SLC41A1: variants seen among roughly 807,000 people sequenced by gnomAD.
SLC41A1 encodes solute carrier family 41 member 1.
Under a neutral mutation model 47.3 loss-of-function variants are expected in SLC41A1, and 20 were observed. The observed-to-expected ratio is 0.42, with a 90% CI of 0.30 to 0.61. SLC41A1 has a LOEUF of 0.61. SLC41A1 is among the 20% of genes least tolerant of loss of function. SLC41A1 has a pLI of 0.17. For synonymous variants in SLC41A1, 282 were observed against 272.7 expected, an observed-to-expected ratio of 1.03 and a Z score of -0.34; for missense variants, 504 against 674.1, an observed-to-expected ratio of 0.75 and a Z score of 2.79.
In SLC41A1 at chr1:205,810,975, C is replaced by G. The variant is rs896846170; in HGVS notation, c.-534G>C. The G allele has an allele frequency of 6.1e-6, 1 of 163,202 alleles. No individual in the cohort carries two copies. The highest frequency in any genetic ancestry group is 1.7e-4 in the South Asian group (1 of 6,004). The allele number at this position is 163,202 out of a possible 1,614,324, so 10.1% of individuals were successfully genotyped here. A position where few individuals can be genotyped will look rare whatever the true frequency, so the allele number is the denominator to read the frequency against. On this transcript the variant is annotated 5_prime_UTR_variant, in exon 2 of 11. Transcript: ENST00000367137. This position sits in a 1 kb window ranked among gnomAD's most constrained non-coding sequence, Gnocchi z 5.5. ...GCTCCTCAGGCTCTGCTGGTCCCAG[C>G]GCAGCGTCTGCCGTCTTTCCCTTCT...
rs747018245 is a variant in SLC41A1, at chr1:205,810,264, C to T, written c.178G>A (p.Val60Ile). The T allele has an allele frequency of 3.1e-6, 5 of 1,614,070 alleles. No individual in the cohort carries two copies. The Admixed American group carries it at 5.0e-5, about 16-fold the overall frequency. ...TCCAGCAGGGCGTCCTCCTCCCGAACCCCCTTGGCGTTGGCCCGAGACTCA... is the reference window on the plus strand; with the variant it reads ...TCCAGCAGGGCGTCCTCCTCCCGAATCCCCTTGGCGTTGGCCCGAGACTCA... ...VIESRANAKG[V>I]REEDALLENG... Residue 60 changes from valine to isoleucine, a missense_variant, in exon 2 of 11, where the codon GTT (valine) becomes ATT (isoleucine). Val to Ile is a conservative substitution (Grantham distance 29, BLOSUM62 3). This residue lies in a region of SLC41A1 where 421 missense variants were observed against 601.6 expected (regional missense o/e 0.70). Transcript: ENST00000367137. This position sits in a 1 kb window ranked among gnomAD's most constrained non-coding sequence, Gnocchi z 5.5.
At position 205,797,981 on chromosome 1, in the gene SLC41A1, C is replaced by T; in HGVS notation, c.915G>A (p.Leu305=). Residue 305 remains leucine (L), a synonymous_variant, in exon 7 of 11, where the codon CTG becomes CTA. Coordinates refer to ENST00000367137, the MANE Select transcript of SLC41A1 (RefSeq NM_173854.6). ...FVALLPVWVV[L]ARRSPATREV... is the part of the protein sequence containing the mutation. ...CCCTTGTGGCTGGACTTCGTCGGGC[C>T]AGCACCACCCAGACAGGCAGCAGGG... 1 of 1,614,178 alleles carries T rather than the reference C, an allele frequency of 6.2e-7. No individual in the cohort carries two copies. The highest frequency in any genetic ancestry group is 8.5e-7 in the Non-Finnish European group (1 of 1,180,034).
chr1:205,805,905 G>A (rs896251491), intron 2 of SLC41A1, among the ~76,000 whole-genome samples: 1 of 152,218 alleles, frequency 6.6e-6, no homozygotes, highest in African/African-American at 2.4e-5. Flanking sequence ...ACCTCAGGAG[G>A]GTAGCAGCAG....
rs1017835552 is a variant in SLC41A1 at position 205,811,013 on chromosome 1, T to G, written c.-572A>C. 4.4e-5 allele frequency: 7 copies of G among 159,428 alleles called. No homozygotes were observed. The highest frequency in any genetic ancestry group is 1.7e-4 in the African/African-American group (7 of 41,490). 9.9% of individuals were successfully genotyped at this position (159,428 alleles called of 1,614,324 possible). ...GTCTTTCCCTTCTCTTCCAGAAACT[T>G]CCTCCCTTCCTGGGAAGAGCTAATA... On this transcript the variant is annotated 5_prime_UTR_variant, in exon 2 of 11. Transcript: ENST00000367137.
At chr1:205,798,082 C>T (rs922313280) in intron 6 of SLC41A1, 31 bp from the exon 7 acceptor site, 1 of 1,614,074 alleles carries the variant, frequency 6.2e-7, no homozygotes, top group South Asian at 1.1e-5. Context: ...AGGAGATAAG[C>T]ACTGTGTTTC....
intron 6 of SLC41A1, among the ~76,000 whole-genome samples, chr1:205,798,443 A>C (rs1158501326): frequency 6.6e-6 from 1 of 152,222 alleles, no homozygotes; most frequent in Non-Finnish European, 1.5e-5. Context: ...AAGAATCTGC[A>C]GGACCACACA....
intron 8 of SLC41A1, 107 bp from the exon 9 acceptor site, chr1:205,795,585 T>C: frequency 2.1e-6 from 3 of 1,413,228 alleles, no homozygotes; most frequent in African/African-American, 1.4e-5. Flanking sequence ...CACTGTCCTC[T>C]GTCTTAATTT....
rs144042954 is a variant in SLC41A1 at position 205,810,303 on chromosome 1, C to T, written c.139G>A (p.Val47Ile). The stretch of plus-strand genomic sequence containing the variant: ...GCCCGAGACTCAATCACCACCTCTA[C>T]CCCAGCCCCATCAGGCCCCAGGAAC... ...SEFLGPDGAG[V>I]EVVIESRANA... Residue 47 changes from valine to isoleucine, a missense_variant, in exon 2 of 11, where the codon GTA becomes ATA. This residue lies in a region of SLC41A1 where 83 missense variants were observed against 72.5 expected (regional missense o/e 1.15). Coordinates refer to ENST00000367137, the MANE Select transcript of SLC41A1 (RefSeq NM_173854.6). This position sits in a 1 kb window ranked among gnomAD's most constrained non-coding sequence, Gnocchi z 5.5. 342 of 1,614,204 alleles carry T rather than the reference C, an allele frequency of 2.1e-4. No homozygotes were observed. The African/African-American group carries it at 3.8e-3, about 18-fold the overall frequency.
intron 2 of SLC41A1, among the ~76,000 whole-genome samples, chr1:205,804,227 T>A (rs1443669516): frequency 6.6e-6 from 1 of 152,148 alleles, no homozygotes; most frequent in Non-Finnish European, 1.5e-5. Flanking sequence ...GGTGGCCCTA[T>A]AAGGCAAGAA....
intron 2 of SLC41A1, among the ~76,000 whole-genome samples, chr1:205,805,979 A>AG (rs1201456726): frequency 2.6e-5 from 4 of 152,244 alleles, no homozygotes; most frequent in African/African-American, 9.6e-5. Flanking sequence ...TACAAGCTTT[A>AG]GGCTCCAGGC....
chr1:205,799,200 G>C (rs1013475699), intron 4 of SLC41A1, 99 bp from the exon 5 acceptor site: 1 of 1,514,618 alleles, frequency 6.6e-7, no homozygotes, highest in Non-Finnish European at 9.0e-7. Flanking sequence ...GCTGGCAGTA[G>C]CCCCAGGAGG....
chr1:205,810,501 T>C lies in SLC41A1; in HGVS notation c.-60A>G, dbSNP rs1358851528. On this transcript the variant is annotated 5_prime_UTR_variant, in exon 2 of 11. Transcript: ENST00000367137. The surrounding 1 kb of genome is among the most constrained non-coding windows in gnomAD (Gnocchi z 5.5). ...TCTCTTCTTTTTGCTTTCTCTCTTCTTCTCTAACTTGGGAAAGAACTTAGT... is the reference window on the plus strand; with the variant it reads ...TCTCTTCTTTTTGCTTTCTCTCTTCCTCTCTAACTTGGGAAAGAACTTAGT... The C allele has an allele frequency of 1.4e-5, 22 of 1,612,578 alleles. No homozygotes were observed. Among genetic ancestry groups the C allele is most frequent in the Non-Finnish European group, 5.1e-6 (6 of 1,179,956 alleles).
intron 10 of SLC41A1, among the ~76,000 whole-genome samples, chr1:205,792,031 G>T (rs542635845): frequency 1.3e-5 from 2 of 152,202 alleles, no homozygotes; most frequent in Non-Finnish European, 2.9e-5. Context: ...AATCCTACTT[G>T]TTGCAGAAAC....
At position 205,810,127 on chromosome 1, in the gene SLC41A1, T is replaced by C. The variant is rs766763542; in HGVS notation, c.315A>G (p.Pro105=). ...CGGTCCCAAAGCCTGCCAGGAGGAA[T>C]GGAAACAGTACTTGCAGCCCGATGG... ...SFSIGLQVLF[P]FLLAGFGTVA... The change falls in exon 2 of 11, where the codon CCA becomes CCG. Residue 105 remains proline (P), a synonymous_variant. Coordinates refer to ENST00000367137, the MANE Select transcript of SLC41A1 (RefSeq NM_173854.6). The surrounding 1 kb of genome is among the most constrained non-coding windows in gnomAD (Gnocchi z 5.5). 8.7e-6 allele frequency: 14 copies of C among 1,613,996 alleles called. No homozygotes were observed. The highest frequency in any genetic ancestry group is 1.7e-5 in the Admixed American group (1 of 60,006).
rs1656189680 is a variant in SLC41A1 at position 205,812,795 on chromosome 1, C to A, written c.-647+13G>T. On this transcript the variant is annotated intron_variant, in intron 1 of 10. Transcript: ENST00000367137. ...ACCACCCCCTCCCCGCCCCAGGACC[C>A]CACAGGACTGACCTGCCCCTCGCCT... 3.0e-6 allele frequency: 3 copies of A among 985,534 alleles called. No individual in the cohort carries two copies. The allele number at this position is 985,534 out of a possible 1,614,324, so 61.0% of individuals were successfully genotyped here.
chr1:205,795,222 C>T (rs1392776239), intron 9 of SLC41A1, 122 bp downstream of exon 9: 1 of 1,529,948 alleles, frequency 6.5e-7, no homozygotes, highest in Non-Finnish European at 8.9e-7. Flanking sequence ...TTCAGAACAG[C>T]TGGCACAGCC....
chr1:205,793,963 C>T (rs2102500383), intron 10 of SLC41A1, among the ~76,000 whole-genome samples: 1 of 152,258 alleles, frequency 6.6e-6, no homozygotes, highest in East Asian at 1.9e-4. Flanking sequence ...CATTTTTGAA[C>T]TATGTGACTA....
chr1:205,804,319 G>A (rs78211165), intron 2 of SLC41A1, among the ~76,000 whole-genome samples: 1,759 of 152,220 alleles, frequency 0.012, 22 homozygotes, highest in Non-Finnish European at 0.017. Context: ...TCATTTCACT[G>A]GGGCTGGAGC....
intron 1 of SLC41A1, 24 bp downstream of exon 1, chr1:205,812,784 G>A: frequency 5.1e-6 from 2 of 391,642 alleles, no homozygotes; most frequent in South Asian, 2.3e-4. Flanking sequence ...CCCCCTCCCC[G>A]CCCCAGGACC....
Sources: gnomAD v4.1 joint callset for allele counts (sites outside exome capture counted in the v4.1 genomes callset) on GRCh38, gnomAD v4.1.1 for gene constraint, gnomAD v4.1.1 regional missense constraint, Gnocchi (gnomAD v3.1) non-coding constraint, MANE v1.5 for transcripts, NCBI Gene and HGNC (gene_info 2026-07-23, HGNC 2026-07-21) for gene names.